The following UNC13B variants were observed in gnomAD, a reference collection of about 807,000 sequenced individuals.
UNC13B encodes unc-13 homolog B, also known as protein unc-13 homolog B.
A neutral mutation model predicts 211.0 loss-of-function variants in UNC13B; 144 were observed. The observed-to-expected ratio is 0.68, with a 90% CI of 0.60 to 0.78. The LOEUF is 0.78. Among genes scored for constraint, UNC13B ranks in the 30% least tolerant of loss-of-function variants. The pLI, the probability that UNC13B is intolerant of heterozygous loss-of-function variation, is 0.00. For missense variants in UNC13B, 1,777 were observed against 2,002.0 expected, an observed-to-expected ratio of 0.89 and a Z score of 2.14; for synonymous variants, 709 against 725.8, an observed-to-expected ratio of 0.98 and a Z score of 0.37.
intron 7 of UNC13B, among the ~76,000 whole-genome samples, chr9:35,260,269 G>A (rs545247788): frequency 1.3e-5 from 2 of 152,064 alleles, no homozygotes; most frequent in Non-Finnish European, 1.5e-5. Flanking sequence ...AGGTCTTACA[G>A]TATGCCAGAT....
Position 35,309,009 on chromosome 9 carries a change from A to G in UNC13B, c.9008+597A>G, listed in dbSNP as rs147573112. 7.0e-4 allele frequency among the ~76,000 whole-genome samples: 107 copies of G among 152,236 alleles called. No homozygotes were observed. The East Asian group carries it at 0.017, about 24-fold the overall frequency. ...CATGGTATCATCTCTGCCTTTTACTACCCTCAAGGCTGATGTCTGATAAAT... is the reference window on the plus strand; with the variant it reads ...CATGGTATCATCTCTGCCTTTTACTGCCCTCAAGGCTGATGTCTGATAAAT... On this transcript the variant is annotated intron_variant, in intron 9 of 39. Transcript: ENST00000635942.
In UNC13B at chr9:35,399,737, C is replaced by T. The variant is rs773804869; in HGVS notation, c.12336+8C>T. ...GCCCTGGACACCATCAAGGTGGAGGCCCCCCCTTTTTCAGACAGTCTTAAC... is the reference window on the plus strand; with the variant it reads ...GCCCTGGACACCATCAAGGTGGAGGTCCCCCCTTTTTCAGACAGTCTTAAC... On this transcript the variant is annotated splice_region_variant and intron_variant, in intron 36 of 39. Transcript: ENST00000635942. The T allele has an allele frequency of 3.7e-6, 6 of 1,613,474 alleles. No homozygotes were observed. The highest frequency in any genetic ancestry group is 1.7e-4 in the Middle Eastern group (1 of 6,054).
intron 1 of UNC13B, among the ~76,000 whole-genome samples, chr9:35,215,352 A>T (rs1824196444): frequency 6.6e-6 from 1 of 152,218 alleles, no homozygotes; most frequent in Non-Finnish European, 1.5e-5. Flanking sequence ...GCAGTCAGCC[A>T]TGATCTCACC....
Position 35,306,241 on chromosome 9 carries a change from G to A in UNC13B, c.6837G>A (p.Gln2279=), listed in dbSNP as rs1199962612. 3 of 398,976 alleles carry A rather than the reference G, an allele frequency of 7.5e-6. No individual in the cohort carries two copies. Among genetic ancestry groups the A allele is most frequent in the Non-Finnish European group, 1.3e-5 (3 of 226,082 alleles). 24.7% of individuals were successfully genotyped at this position (398,976 alleles called of 1,614,324 possible). ...TAGCCCAAGAAGTAGTTCATGAACA[G>A]CAAATGGCACCTTGTATTTCCATTA... The part of the protein sequence containing the change: ...DSIAQEVVHE[Q]QMAPCISINN... The change falls in exon 9 of 40, where the codon CAG becomes CAA. Residue 2279 remains glutamine (Q), a synonymous_variant. Coordinates refer to ENST00000635942, the MANE Select transcript of UNC13B (RefSeq NM_001371189.2).
chr9:35,183,422 C>A (rs1822098903), intron 1 of UNC13B, among the ~76,000 whole-genome samples: 1 of 139,064 alleles, frequency 7.2e-6, no homozygotes, highest in Non-Finnish European at 1.6e-5. Context: ...CCCAACCTCC[C>A]AGATGAAGGG....
chr9:35,162,326 G>A (rs1310998627), intron 1 of UNC13B, 21 bp downstream of exon 1: 7 of 1,533,560 alleles, frequency 4.6e-6, no homozygotes, highest in Non-Finnish European at 6.1e-6. Flanking sequence ...GGACTGAGGC[G>A]GGGAGGCGGG....
At position 35,403,660 on chromosome 9, in the gene UNC13B, G is replaced by A. The variant is rs140947826; in HGVS notation, c.12737+61G>A. ...GGGGGTAAGACTTGAGGGGTGGGGG[G>A]AGAGGAGGGCCCGGGGGGATGGCAG... On this transcript the variant is annotated intron_variant, in intron 39 of 39. Coordinates refer to ENST00000635942, the MANE Select transcript of UNC13B (RefSeq NM_001371189.2). 335 of 681,040 alleles carry A rather than the reference G, an allele frequency of 4.9e-4. No individual in the cohort carries two copies. In the African/African-American group the frequency reaches 5.6e-3, roughly 11 times the overall value. 42.2% of individuals were successfully genotyped at this position (681,040 alleles called of 1,614,324 possible).
At chr9:35,295,107 T>C (rs974744529) in intron 7 of UNC13B, among the ~76,000 whole-genome samples, 1 of 152,178 alleles carries the variant, frequency 6.6e-6, no homozygotes, top group African/African-American at 2.4e-5. Context: ...GTAAGAGTGC[T>C]GCTGTTCTCA....
chr9:35,244,446 A>G (rs921624840), intron 6 of UNC13B, among the ~76,000 whole-genome samples: 4 of 152,182 alleles, frequency 2.6e-5, no homozygotes, highest in Non-Finnish European at 4.4e-5. Flanking sequence ...ACAGCAACCA[A>G]AATTTGTTTT....
At chr9:35,228,920 C>G (rs923495777) in intron 2 of UNC13B, among the ~76,000 whole-genome samples, 10 of 151,958 alleles carry the variant, frequency 6.6e-5, no homozygotes, top group African/African-American at 2.4e-4. Context: ...CTTGCTTTTG[C>G]AAATGTGTCT....
At chr9:35,351,509 C>A (rs1832717745) in intron 11 of UNC13B, 2 of 1,232,224 alleles carry the variant, frequency 1.6e-6, no homozygotes. Flanking sequence ...GAGAACCCCT[C>A]AAACCCTGAG....
chr9:35,231,553 A>T (rs991183263), intron 3 of UNC13B, among the ~76,000 whole-genome samples: 1 of 152,192 alleles, frequency 6.6e-6, no homozygotes, highest in African/African-American at 2.4e-5. Context: ...CAACAGACTT[A>T]GCATGACATT....
At chr9:35,202,289 TG>T (rs1335785028) in intron 1 of UNC13B, among the ~76,000 whole-genome samples, 11 of 152,334 alleles carry the variant, frequency 7.2e-5, no homozygotes, top group South Asian at 4.1e-4. Flanking sequence ...AAGTATGATG[TG>T]GTGCTGAAAA....
intron 38 of UNC13B, 88 bp from the exon 39 acceptor site, chr9:35,403,352 C>G: frequency 6.2e-7 from 1 of 1,602,152 alleles, no homozygotes; most frequent in Non-Finnish European, 8.5e-7. Flanking sequence ...CCCTCCAGCT[C>G]AGCCCTCCTC....
intron 2 of UNC13B, among the ~76,000 whole-genome samples, chr9:35,229,826 C>G (rs992852920): frequency 4.6e-5 from 7 of 152,136 alleles, no homozygotes; most frequent in Admixed American, 4.6e-4. Context: ...AAAAGAAAGA[C>G]TTACCTTCAG....
chr9:35,216,280 A>G (rs1472824277), intron 1 of UNC13B, among the ~76,000 whole-genome samples: 4 of 152,190 alleles, frequency 2.6e-5, no homozygotes, highest in African/African-American at 4.8e-5. Flanking sequence ...ATTGTTCTGT[A>G]TTGCTCCTGC....
chr9:35,371,657 G>A (rs1252152737), intron 13 of UNC13B, among the ~76,000 whole-genome samples: 1 of 151,488 alleles, frequency 6.6e-6, no homozygotes, highest in South Asian at 2.1e-4. Context: ...GTTTGCCCAT[G>A]AGCAAGTATC....
At chr9:35,226,354 G>A (rs1190117331) in intron 1 of UNC13B, among the ~76,000 whole-genome samples, 2 of 149,478 alleles carry the variant, frequency 1.3e-5, no homozygotes, top group Admixed American at 6.7e-5. Context: ...AACTGATAGG[G>A]TGTGTGTGTG....
intron 11 of UNC13B, among the ~76,000 whole-genome samples, chr9:35,330,073 G>A (rs985936797): frequency 3.0e-4 from 46 of 152,156 alleles, no homozygotes; most frequent in African/African-American, 1.1e-3. Flanking sequence ...CTGGGTTTTT[G>A]TATTAGCTCA....
Sources: allele counts gnomAD v4.1 joint callset (sites outside exome capture counted in the v4.1 genomes callset), GRCh38; gene constraint gnomAD v4.1.1; transcripts MANE v1.5; gene names NCBI Gene and HGNC (gene_info 2026-07-23, HGNC 2026-07-21).